ANXA13: variants seen among roughly 807,000 people sequenced by gnomAD.
ANXA13 encodes the protein annexin XIII.
Under a neutral mutation model 46.6 loss-of-function variants are expected in ANXA13, and 36 were observed. The ratio of observed to expected loss-of-function variants is 0.77; its 90% CI spans 0.59 to 1.02. The LOEUF (loss-of-function observed/expected upper bound fraction) is 1.02, where lower values mean the gene tolerates loss of function less well. Ranked by LOEUF, ANXA13 falls within the 50% of genes least tolerant of loss-of-function variation. The pLI is 0.00. For missense variants in ANXA13, 417 were observed against 396.5 expected, an observed-to-expected ratio of 1.05 and a Z score of -0.44; for synonymous variants, 163 against 152.9, an observed-to-expected ratio of 1.07 and a Z score of -0.49.
At chr8:123,730,405 G>C (rs1021918961) in intron 1 of ANXA13, among the ~76,000 whole-genome samples, 1 of 152,176 alleles carries the variant, frequency 6.6e-6, no homozygotes, top group African/African-American at 2.4e-5. Flanking sequence ...CATTCTGGGG[G>C]TTGGACCCAA....
At position 123,711,131 on chromosome 8, in the gene ANXA13, C is replaced by T. The variant is rs114839482; in HGVS notation, c.91+1547G>A. 3.1e-3 allele frequency among the ~76,000 whole-genome samples: 466 copies of T among 152,274 alleles called. 4 individuals are homozygous for T. The highest frequency in any genetic ancestry group is 0.011 in the African/African-American group (442 of 41,552). ...TTGGTCGTCTCCCCCTTCTCTGCTA[C>T]TCAAGGGCTATTTCAAGCCACCACT... On this transcript the variant is annotated intron_variant, in intron 2 of 10. Coordinates refer to ENST00000419625, the MANE Select transcript of ANXA13 (RefSeq NM_004306.4).
At chr8:123,734,528 A>C (rs548607612) in intron 1 of ANXA13, among the ~76,000 whole-genome samples, 1 of 152,236 alleles carries the variant, frequency 6.6e-6, no homozygotes, top group South Asian at 2.1e-4. Context: ...TGGTTCAAAA[A>C]AATCATTAAT....
At chr8:123,682,836 C>T (rs367628477) in intron 10 of ANXA13, among the ~76,000 whole-genome samples, 3 of 152,168 alleles carry the variant, frequency 2.0e-5, no homozygotes, top group East Asian at 3.8e-4. Flanking sequence ...GAGGTAACTG[C>T]CCACATGTTG....
chr8:123,717,706 C>T (rs1229142212), intron 1 of ANXA13, among the ~76,000 whole-genome samples: 1 of 152,218 alleles, frequency 6.6e-6, no homozygotes, highest in Non-Finnish European at 1.5e-5. Flanking sequence ...AGTTAGAGAA[C>T]CTCTCTGTGC....
Position 123,684,655 on chromosome 8 carries a change from C to T in ANXA13, c.786G>A (p.Gly262=), listed in dbSNP as rs750535019. ...TGCGAATCAACGTCTCCTCATCGGTCCCCGCACCCTTCATCGACTTGTACA... is the reference window on the plus strand; with the variant it reads ...TGCGAATCAACGTCTCCTCATCGGTTCCCGCACCCTTCATCGACTTGTACA... ...ERLYKSMKGA[G]TDEETLIRIV... The change falls in exon 10 of 11, where the codon GGG becomes GGA. Residue 262 remains glycine (G), a synonymous_variant. Coordinates refer to ENST00000419625, the MANE Select transcript of ANXA13 (RefSeq NM_004306.4). 3.3e-5 allele frequency: 53 copies of T among 1,613,974 alleles called. No homozygotes were observed. The highest frequency in any genetic ancestry group is 4.4e-5 in the Non-Finnish European group (52 of 1,179,970).
chr8:123,735,886 T>TAA (rs201099803), intron 1 of ANXA13: 1 of 1,553,534 alleles, frequency 6.4e-7, no homozygotes, highest in Non-Finnish European at 8.7e-7. Context: ...CTCTGAGGAT[T>TAA]AAAAAAAAAT....
intron 4 of ANXA13, among the ~76,000 whole-genome samples, chr8:123,696,398 AACAG>A (rs1425554651): frequency 6.6e-6 from 1 of 152,326 alleles, no homozygotes; most frequent in East Asian, 1.9e-4. Flanking sequence ...TTCGTTCAGT[AACAG>A]ACTGGCTGCG....
chr8:123,681,269 G>T lies in ANXA13; in HGVS notation c.922C>A (p.Arg308=), dbSNP rs143112749. ...MVRSDTSGDF[R]KLLVALLH is the part of the protein sequence containing the mutation. ...TGCAAGAGGGCTACTAGCAGTTTCCGGAAGTCCCCGGAGGTATCTGAGCGA... is the reference window on the plus strand; with the variant it reads ...TGCAAGAGGGCTACTAGCAGTTTCCTGAAGTCCCCGGAGGTATCTGAGCGA... Residue 308 remains arginine (R), a synonymous_variant, in exon 11 of 11, where the codon CGG becomes AGG. Coordinates refer to ENST00000419625, the MANE Select transcript of ANXA13 (RefSeq NM_004306.4). 6.2e-7 allele frequency: 1 copy of T among 1,613,908 alleles called. No homozygotes were observed. Among genetic ancestry groups the T allele is most frequent in the Non-Finnish European group, 8.5e-7 (1 of 1,179,888 alleles).
intron 9 of ANXA13, 32 bp downstream of exon 9, chr8:123,688,839 C>G (rs1263382671): frequency 6.2e-7 from 1 of 1,606,346 alleles, no homozygotes; most frequent in East Asian, 2.2e-5. Flanking sequence ...GCAGCCCAAC[C>G]TAAGACAGGA....
At chr8:123,708,783 G>A (rs1813596222) in intron 2 of ANXA13, among the ~76,000 whole-genome samples, 1 of 152,166 alleles carries the variant, frequency 6.6e-6, no homozygotes, top group African/African-American at 2.4e-5. Context: ...AGTCCCTCCA[G>A]CAGCCCCGGG....
rs145656611 is a variant in ANXA13 at position 123,713,028 on chromosome 8, T to C, written c.16-275A>G. Among the ~76,000 whole-genome samples, 393 of 152,324 alleles carry C rather than the reference T, an allele frequency of 2.6e-3. 3 individuals carry two copies. Among genetic ancestry groups the C allele is most frequent in the African/African-American group, 8.9e-3 (372 of 41,566 alleles). ...CTGGCCAGCTCTGCAATGAGAGATT[T>C]TCATATCAACCCCACCTTTGTGTGT... On this transcript the variant is annotated intron_variant, in intron 1 of 10. Coordinates refer to ENST00000419625, the MANE Select transcript of ANXA13 (RefSeq NM_004306.4).
At chr8:123,681,425 G>C in intron 10 of ANXA13, 66 bp from the exon 11 acceptor site, 1 of 1,498,444 alleles carries the variant, frequency 6.7e-7, no homozygotes, top group Non-Finnish European at 9.1e-7. Context: ...AGTGGGCACT[G>C]TTCTACACAT....
chr8:123,698,424 C>T lies in ANXA13; in HGVS notation c.322G>A (p.Val108Ile), dbSNP rs6995099. 116,558 of 1,614,020 alleles carry T rather than the reference C, an allele frequency of 0.072. 4,573 individuals carry two copies. The highest frequency in any genetic ancestry group is 0.079 in the Non-Finnish European group (93,109 of 1,179,952). Residue 108 changes from valine (V) to isoleucine (I), a missense_variant, in exon 4 of 11, where the codon GTC (valine) becomes ATC (isoleucine). Val to Ile is a conservative substitution (Grantham distance 29). Coordinates refer to ENST00000419625, the MANE Select transcript of ANXA13 (RefSeq NM_004306.4). ...AMKGLGTDES[V>I]LIEVLCTRTN... ...CTCGTGCACAGGACCTCAATGAGGA[C>T]GGACTCATCTGTGCCCAGACCCTTC...
intron 1 of ANXA13, among the ~76,000 whole-genome samples, chr8:123,720,312 T>G (rs751456694): frequency 1.3e-5 from 2 of 152,166 alleles, no homozygotes; most frequent in Non-Finnish European, 2.9e-5. Context: ...TAGTTTTGCC[T>G]GGGCTTGTTA....
intron 6 of ANXA13, 84 bp downstream of exon 6, chr8:123,695,418 A>G (rs137877072): frequency 6.9e-4 from 690 of 1,006,882 alleles, no homozygotes; most frequent in Non-Finnish European, 1.0e-3. Flanking sequence ...ATGTTTATCT[A>G]CGTTACCCTT....
chr8:123,682,778 T>C (rs1005363330), intron 10 of ANXA13, among the ~76,000 whole-genome samples: 4 of 152,078 alleles, frequency 2.6e-5, no homozygotes, highest in African/African-American at 9.7e-5. Flanking sequence ...TTTGGGAGAT[T>C]AGGAAATCTG....
chr8:123,705,138 T>G (rs552712320), intron 2 of ANXA13, among the ~76,000 whole-genome samples: 1 of 152,316 alleles, frequency 6.6e-6, no homozygotes, highest in African/African-American at 2.4e-5. Flanking sequence ...CATCAGTCTT[T>G]TTTACTCTCA....
chr8:123,715,219 G>T (rs891393854), intron 1 of ANXA13, among the ~76,000 whole-genome samples: 1 of 152,166 alleles, frequency 6.6e-6, no homozygotes, highest in Non-Finnish European at 1.5e-5. Flanking sequence ...TTTCAATATG[G>T]TAACATCAGA....
intron 5 of ANXA13, 52 bp downstream of exon 5, chr8:123,695,636 G>A (rs1467364337): frequency 2.5e-6 from 4 of 1,610,580 alleles, no homozygotes; most frequent in African/African-American, 1.3e-5. Context: ...TTTCCCAGAG[G>A]TATTTTGAAA....
Sources: allele counts gnomAD v4.1 joint callset (sites outside exome capture counted in the v4.1 genomes callset), GRCh38; gene constraint gnomAD v4.1.1; transcripts MANE v1.5; gene names NCBI Gene and HGNC (gene_info 2026-07-23, HGNC 2026-07-21).